CDH4: variants seen among roughly 807,000 people sequenced by gnomAD.
CDH4 encodes the protein cadherin 4.
CDH4 carries 33 observed loss-of-function variants against 86.0 expected under a neutral mutation model. That is an observed-to-expected ratio of 0.38 (90% CI 0.29 to 0.51). The LOEUF (loss-of-function observed/expected upper bound fraction) is 0.51. Among genes scored for constraint, CDH4 ranks in the 20% least tolerant of loss-of-function variants. CDH4 has a pLI of 0.86. For synonymous variants in CDH4, 555 were observed against 549.4 expected, an observed-to-expected ratio of 1.01 and a Z score of -0.14; for missense variants, 1,114 against 1,307.4, an observed-to-expected ratio of 0.85 and a Z score of 2.28.
intron 2 of CDH4, among the ~76,000 whole-genome samples, chr20:61,422,458 AAAAAAAAAAC>A (rs2085184982): frequency 1.0e-4 from 6 of 57,800 alleles, no homozygotes; most frequent in East Asian, 1.5e-3. Context: ...AAAAAAAAAA[AAAAAAAAAAC>A]CAAATCTCCC....
At chr20:61,287,636 C>G (rs1292900537) in intron 2 of CDH4, among the ~76,000 whole-genome samples, 2 of 152,158 alleles carry the variant, frequency 1.3e-5, no homozygotes, top group Non-Finnish European at 2.9e-5. Context: ...CCGTCACGGG[C>G]ATGCATCCCA....
intron 2 of CDH4, among the ~76,000 whole-genome samples, chr20:61,429,034 T>C (rs1250581716): frequency 1.3e-5 from 2 of 151,222 alleles, no homozygotes; most frequent in East Asian, 1.9e-4. Context: ...TTCTAGACTA[T>C]AGAAAGATGT....
chr20:61,296,010 G>A (rs2084349901), intron 2 of CDH4, among the ~76,000 whole-genome samples: 1 of 152,180 alleles, frequency 6.6e-6, no homozygotes, highest in Non-Finnish European at 1.5e-5. Flanking sequence ...GTGGTTTTCA[G>A]GAGGACGGAG....
intron 2 of CDH4, among the ~76,000 whole-genome samples, chr20:61,375,464 T>G (rs186103742): frequency 6.6e-6 from 1 of 151,618 alleles, no homozygotes; most frequent in African/African-American, 2.4e-5. Flanking sequence ...GCACTGGTAG[T>G]GATGGTGTGG....
At chr20:61,348,134 A>G (rs2084690189) in intron 2 of CDH4, among the ~76,000 whole-genome samples, 2 of 152,158 alleles carry the variant, frequency 1.3e-5, no homozygotes, top group Admixed American at 1.3e-4. Flanking sequence ...ATAAAGACAT[A>G]CCTGAGACTG....
chr20:61,843,453 T>A (rs1314769754), intron 4 of CDH4, among the ~76,000 whole-genome samples: 2 of 33,966 alleles, frequency 5.9e-5, no homozygotes, highest in Non-Finnish European at 8.4e-5. Context: ...CGAGACTCCG[T>A]CTCAAAAAAA....
chr20:61,362,605 G>A (rs2084790070), intron 2 of CDH4, among the ~76,000 whole-genome samples: 1 of 152,078 alleles, frequency 6.6e-6, no homozygotes, highest in Non-Finnish European at 1.5e-5. Flanking sequence ...ACAGTGTAGT[G>A]GAAGTGAAGG....
rs556688360 is a variant in CDH4 at position 61,469,603 on chromosome 20, G to A, written c.169+214666G>A. Among the ~76,000 whole-genome samples the A allele has an allele frequency of 1.1e-4, 17 of 152,230 alleles. No individual in the cohort carries two copies. In the South Asian group the frequency reaches 1.7e-3, roughly 15 times the overall value. ...GTCCATTTTTGCTTTAGTTGCCTGTGCTTGTGGGTGTTATTCAAGAAATCT... is the reference window on the plus strand; with the variant it reads ...GTCCATTTTTGCTTTAGTTGCCTGTACTTGTGGGTGTTATTCAAGAAATCT... On this transcript the variant is annotated intron_variant, in intron 2 of 15. Transcript: ENST00000614565.
chr20:61,558,108 A>C (rs2086190762), intron 2 of CDH4, among the ~76,000 whole-genome samples: 1 of 152,192 alleles, frequency 6.6e-6, no homozygotes, highest in Admixed American at 6.5e-5. Context: ...TTTTTTATTA[A>C]TGTGATCATA....
At chr20:61,309,231 T>A (rs1303287976) in intron 2 of CDH4, among the ~76,000 whole-genome samples, 1 of 152,214 alleles carries the variant, frequency 6.6e-6, no homozygotes, top group East Asian at 1.9e-4. Flanking sequence ...GTCCTGGGGC[T>A]AGGGGGCTGT....
At chr20:61,718,598 C>T in intron 2 of CDH4, 1 of 358,634 alleles carries the variant, frequency 2.8e-6, no homozygotes, top group South Asian at 2.1e-5. Context: ...GGGCAGAGCG[C>T]TGCAGGGGCT....
rs115074238 is a variant in CDH4, at chr20:61,549,555, A to C, written c.170-194008A>C. Reference sequence around the variant, plus strand: ...TGCTTGCTTTGTGTACAAAGTTTTCAGTCCAGATGCTCCTCGTGTGTTCCG... The same window carrying C: ...TGCTTGCTTTGTGTACAAAGTTTTCCGTCCAGATGCTCCTCGTGTGTTCCG... On this transcript the variant is annotated intron_variant, in intron 2 of 15. Coordinates refer to ENST00000614565, the MANE Select transcript of CDH4 (RefSeq NM_001794.5). Among the ~76,000 whole-genome samples, 295 of 152,360 alleles carry C rather than the reference A, an allele frequency of 1.9e-3. 1 individual carries two copies. The highest frequency in any genetic ancestry group is 6.7e-3 in the African/African-American group (277 of 41,590).
intron 2 of CDH4, among the ~76,000 whole-genome samples, chr20:61,665,764 C>T (rs532792494): frequency 1.3e-5 from 2 of 152,202 alleles, no homozygotes; most frequent in South Asian, 2.1e-4. Context: ...TTATCTCCGA[C>T]CTTTGAGTGT....
At chr20:61,913,019 C>T (rs1420893880) in intron 9 of CDH4, among the ~76,000 whole-genome samples, 2 of 152,116 alleles carry the variant, frequency 1.3e-5, no homozygotes, top group Admixed American at 1.3e-4. Flanking sequence ...CTGGCTGGGG[C>T]CTTCCCCAGT....
chr20:61,763,256 C>T (rs1371735906), intron 3 of CDH4, among the ~76,000 whole-genome samples: 3 of 151,702 alleles, frequency 2.0e-5, no homozygotes, highest in African/African-American at 7.3e-5. Context: ...AAGGGATGCT[C>T]GCTCTTCCTC....
At chr20:61,851,493 G>C (rs1982723936) in intron 5 of CDH4, among the ~76,000 whole-genome samples, 1 of 152,208 alleles carries the variant, frequency 6.6e-6, no homozygotes, top group African/African-American at 2.4e-5. Flanking sequence ...GGATGATGTG[G>C]AGACCCGTCT....
intron 2 of CDH4, among the ~76,000 whole-genome samples, chr20:61,737,026 C>A (rs1180107383): frequency 6.6e-6 from 1 of 152,154 alleles, no homozygotes; most frequent in Non-Finnish European, 1.5e-5. Flanking sequence ...GGACGAGTCC[C>A]AGGCTGTTGG....
At position 61,344,924 on chromosome 20, in the gene CDH4, G is replaced by T. The variant is rs117900260; in HGVS notation, c.169+89987G>T. Among the ~76,000 whole-genome samples, 1,105 of 152,290 alleles carry T rather than the reference G, an allele frequency of 7.3e-3. 5 individuals are homozygous for T. The highest frequency in any genetic ancestry group is 0.017 in the Middle Eastern group (5 of 294). ...CCTTTGAAACAAAGTCAGGTTCTGC[G>T]CCGGCTATTGACCCGCAGACTCGAG... On this transcript the variant is annotated intron_variant, in intron 2 of 15. Transcript: ENST00000614565.
At chr20:61,572,563 C>T (rs942588819) in intron 2 of CDH4, among the ~76,000 whole-genome samples, 5 of 152,210 alleles carry the variant, frequency 3.3e-5, no homozygotes, top group Admixed American at 3.3e-4. Flanking sequence ...TCTTAGGAAG[C>T]ATCCCCTCTC....
Sources: gnomAD v4.1 joint callset for allele counts (sites outside exome capture counted in the v4.1 genomes callset) on GRCh38, gnomAD v4.1.1 for gene constraint, MANE v1.5 for transcripts, NCBI Gene and HGNC (gene_info 2026-07-23, HGNC 2026-07-21) for gene names.